The following DCC variants were observed in gnomAD, a reference collection of about 807,000 sequenced individuals.
DCC encodes netrin receptor DCC.
Under a neutral mutation model 172.5 loss-of-function variants are expected in DCC, and 58 were observed. The observed-to-expected ratio is 0.34, with a 90% CI of 0.27 to 0.42. The LOEUF is 0.42. Among genes scored for constraint, DCC ranks in the 10% least tolerant of loss-of-function variants. The pLI, the probability that DCC is intolerant of heterozygous loss-of-function variation, is 1.00. For missense variants in DCC, 1,740 were observed against 1,791.0 expected, an observed-to-expected ratio of 0.97 and a Z score of 0.51; for synonymous variants, 709 against 644.5, an observed-to-expected ratio of 1.10 and a Z score of -1.52.
intron 1 of DCC, among the ~76,000 whole-genome samples, chr18:52,389,030 C>T (rs1413083509): frequency 6.6e-6 from 1 of 152,056 alleles, no homozygotes; most frequent in Non-Finnish European, 1.5e-5. Context: ...ATTCTCTGCC[C>T]AGTGTGTATG....
At chr18:53,525,369 G>A (rs1272700056) in intron 27 of DCC, among the ~76,000 whole-genome samples, 1 of 152,002 alleles carries the variant, frequency 6.6e-6, no homozygotes. Flanking sequence ...TCTCATCAGA[G>A]GTACCACGAA....
At chr18:53,445,845 A>G (rs12604940) in intron 22 of DCC, among the ~76,000 whole-genome samples, 17,097 of 152,004 alleles carry the variant, frequency 0.11, 1,039 homozygotes, top group East Asian at 0.21. Flanking sequence ...TACTAATTTT[A>G]ATGGAACACA....
intron 5 of DCC, among the ~76,000 whole-genome samples, chr18:52,999,567 A>G (rs2143837753): frequency 6.6e-6 from 1 of 152,148 alleles, no homozygotes; most frequent in South Asian, 2.1e-4. Context: ...ATCTGACAAA[A>G]TCTGTTGCTA....
intron 5 of DCC, among the ~76,000 whole-genome samples, chr18:53,028,775 T>A (rs772195862): frequency 6.6e-6 from 1 of 152,122 alleles, no homozygotes; most frequent in African/African-American, 2.4e-5. Flanking sequence ...ACCCAACCAG[T>A]GTTACTGCAG....
chr18:53,106,303 G>C (rs913378114), intron 7 of DCC, among the ~76,000 whole-genome samples: 1 of 151,860 alleles, frequency 6.6e-6, no homozygotes, highest in Non-Finnish European at 1.5e-5. Flanking sequence ...CCTGTTCCCA[G>C]CTTTCTGCCA....
At chr18:52,768,511 C>T (rs1011188987) in intron 2 of DCC, among the ~76,000 whole-genome samples, 5 of 152,162 alleles carry the variant, frequency 3.3e-5, no homozygotes, top group African/African-American at 1.2e-4. Flanking sequence ...TCAGACTAGA[C>T]TTTGTGCTAT....
At chr18:52,791,531 G>T (rs1212093191) in intron 2 of DCC, among the ~76,000 whole-genome samples, 1 of 151,702 alleles carries the variant, frequency 6.6e-6, no homozygotes, top group East Asian at 1.9e-4. Flanking sequence ...AACCGTGGCT[G>T]CAGGCATGAC....
chr18:52,365,794 T>C (rs1376272927), intron 1 of DCC, among the ~76,000 whole-genome samples: 1 of 152,200 alleles, frequency 6.6e-6, no homozygotes, highest in Non-Finnish European at 1.5e-5. Context: ...TGTCACACAA[T>C]CTCTGAGGCA....
chr18:52,905,606 T>C (rs576088769), intron 2 of DCC, among the ~76,000 whole-genome samples: 12 of 152,320 alleles, frequency 7.9e-5, no homozygotes, highest in African/African-American at 2.6e-4. Flanking sequence ...TCTTCATGAC[T>C]TCATAATCCT....
Position 52,967,021 on chromosome 18 carries a change from A to G in DCC, c.985+41651A>G, listed in dbSNP as rs148712512. ...CCTCCCTCTGGTTGGCTCACCCTAT[A>G]CTAATGGTGAGGCAGGGAAAGGTGC... is the stretch of plus-strand genomic sequence containing the variant. On this transcript the variant is annotated intron_variant, in intron 5 of 28. Coordinates refer to ENST00000442544, the MANE Select transcript of DCC (RefSeq NM_005215.4). Among the ~76,000 whole-genome samples, 4 of 152,232 alleles carry G rather than the reference A, an allele frequency of 2.6e-5. No homozygotes were observed. The East Asian group carries it at 5.8e-4, about 22-fold the overall frequency.
At chr18:53,517,822 T>C (rs926569531) in intron 27 of DCC, among the ~76,000 whole-genome samples, 1 of 152,160 alleles carries the variant, frequency 6.6e-6, no homozygotes, top group Non-Finnish European at 1.5e-5. Flanking sequence ...ACAATTCACA[T>C]GGTAGACTAA....
intron 15 of DCC, among the ~76,000 whole-genome samples, chr18:53,382,776 G>C (rs1435637687): frequency 6.6e-6 from 1 of 152,080 alleles, no homozygotes; most frequent in Non-Finnish European, 1.5e-5. Context: ...TCACTGAATA[G>C]AAGCCCTTTG....
chr18:53,034,968 C>T (rs765257272), intron 5 of DCC, among the ~76,000 whole-genome samples: 3 of 152,130 alleles, frequency 2.0e-5, no homozygotes, highest in East Asian at 1.9e-4. Flanking sequence ...CACTTTCCTA[C>T]ACAATTCTTC....
At chr18:53,172,658 T>C (rs2055031440) in intron 8 of DCC, among the ~76,000 whole-genome samples, 5 of 152,074 alleles carry the variant, frequency 3.3e-5, no homozygotes, top group Admixed American at 2.6e-4. Context: ...ATAACAATGT[T>C]GCTTGAAGGT....
intron 2 of DCC, among the ~76,000 whole-genome samples, chr18:52,817,258 ATTTGT>A (rs1407871104): frequency 8.6e-5 from 13 of 151,968 alleles, no homozygotes; most frequent in African/African-American, 2.9e-4. Flanking sequence ...ATATTTCTTG[ATTTGT>A]TTTCTATGAA....
At chr18:52,678,687 A>G (rs2035688339) in intron 1 of DCC, among the ~76,000 whole-genome samples, 1 of 152,180 alleles carries the variant, frequency 6.6e-6, no homozygotes, top group Admixed American at 6.6e-5. Flanking sequence ...ACATGAATAT[A>G]TGCACACACA....
At chr18:53,452,198 T>C (rs1303387416) in intron 23 of DCC, among the ~76,000 whole-genome samples, 1 of 152,126 alleles carries the variant, frequency 6.6e-6, no homozygotes, top group Non-Finnish European at 1.5e-5. Context: ...CACGGAACAG[T>C]GGAACATCAA....
intron 20 of DCC, 60 bp downstream of exon 20, chr18:53,410,706 G>T (rs552804881): frequency 7.6e-5 from 82 of 1,084,748 alleles, no homozygotes; most frequent in Non-Finnish European, 1.1e-4. Context: ...AAATAGCTTT[G>T]CACTCTGTGT....
intron 1 of DCC, among the ~76,000 whole-genome samples, chr18:52,415,356 G>A (rs1294010568): frequency 6.6e-6 from 1 of 152,180 alleles, no homozygotes; most frequent in Non-Finnish European, 1.5e-5. Flanking sequence ...TCCATCTCCT[G>A]TGATATGTTC....
Sources: gnomAD v4.1 joint callset for allele counts (sites outside exome capture counted in the v4.1 genomes callset) on GRCh38, gnomAD v4.1.1 for gene constraint, MANE v1.5 for transcripts, NCBI Gene and HGNC (gene_info 2026-07-23, HGNC 2026-07-21) for gene names.